TEX261: variants seen among roughly 807,000 people sequenced by gnomAD.
The protein encoded by TEX261 is protein TEX261.
A neutral mutation model predicts 25.1 loss-of-function variants in TEX261; 13 were observed. The ratio of observed to expected loss-of-function variants is 0.52; its 90% CI spans 0.34 to 0.82. The LOEUF (loss-of-function observed/expected upper bound fraction) is 0.82, where lower values mean the gene tolerates loss of function less well. TEX261 is among the 40% of genes least tolerant of loss of function. TEX261 has a pLI of 0.02. For missense variants in TEX261, 206 were observed against 243.2 expected (o/e 0.85, Z 1.02); for synonymous variants, 92 against 97.8 (o/e 0.94, Z 0.35).
At chr2:70,992,498 G>A (rs1446960929) in intron 2 of TEX261, among the ~76,000 whole-genome samples, 1 of 152,156 alleles carries the variant, frequency 6.6e-6, no homozygotes, top group South Asian at 2.1e-4. Context: ...GGGAGGCCAA[G>A]GCAGGCAGAT....
intron 1 of TEX261, 66 bp downstream of exon 1, chr2:70,994,622 T>A: frequency 6.5e-7 from 1 of 1,549,774 alleles, no homozygotes; most frequent in Non-Finnish European, 8.7e-7. Flanking sequence ...ACCCCCGCGA[T>A]GCGACCCCCA....
At position 70,989,105 on chromosome 2, in the gene TEX261, C is replaced by G. The variant is rs189818613; in HGVS notation, c.373-88G>C. ...TGACTGCGTGTTGGTCAAGAGTGCA[C>G]AGGGGGCCACACCTGATCTCCAAAG... On this transcript the variant is annotated intron_variant, in intron 4 of 5. Transcript: ENST00000272438. 4.7e-5 allele frequency: 52 copies of G among 1,117,956 alleles called. No individual in the cohort carries two copies. In the Middle Eastern group the frequency reaches 1.2e-3, roughly 26 times the overall value. The allele number at this position is 1,117,956 out of a possible 1,614,324, so 69.3% of individuals were successfully genotyped here. A position where few individuals can be genotyped will look rare whatever the true frequency, so the allele number is the denominator to read the frequency against.
rs782206337 is a variant in TEX261 at position 70,991,993 on chromosome 2, C to G, written c.151-10G>C. The G allele has an allele frequency of 6.3e-7, 1 of 1,585,566 alleles. No individual in the cohort carries two copies. The highest frequency in any genetic ancestry group is 1.7e-5 in the Admixed American group (1 of 57,514). On this transcript the variant is annotated splice_polypyrimidine_tract_variant and intron_variant, in intron 2 of 5. Coordinates refer to ENST00000272438, the MANE Select transcript of TEX261 (RefSeq NM_144582.3). ...GTACAGCGGTGGAGAACTGAAACAA[C>G]CAGAGGCAGACAGTGCAGGGCGCTT...
intron 2 of TEX261, among the ~76,000 whole-genome samples, chr2:70,993,492 T>C (rs1670344123): frequency 6.6e-6 from 1 of 152,132 alleles, no homozygotes. Flanking sequence ...AGTGAAACAA[T>C]GCCACTTGGG....
At chr2:70,992,959 A>G (rs1670331979) in intron 2 of TEX261, among the ~76,000 whole-genome samples, 1 of 152,256 alleles carries the variant, frequency 6.6e-6, no homozygotes, top group African/African-American at 2.4e-5. Flanking sequence ...GGCTGAATGA[A>G]GGGCTAATTA....
chr2:70,989,982 A>G (rs1253174576), intron 3 of TEX261, among the ~76,000 whole-genome samples, 166 bp from the exon 4 acceptor site: 1 of 152,218 alleles, frequency 6.6e-6, no homozygotes, highest in Non-Finnish European at 1.5e-5. Context: ...ATCTGCTAAA[A>G]TGGGAGAATG....
Position 70,988,707 on chromosome 2 carries a change from C to T in TEX261, c.484G>A (p.Val162Ile), listed in dbSNP as rs1413882792. Residue 162 changes from valine (V) to isoleucine (I), a missense_variant, in exon 6 of 6, where the codon GTC becomes ATC. By Grantham distance (29) the Val-to-Ile change is conservative. Coordinates refer to ENST00000272438, the MANE Select transcript of TEX261 (RefSeq NM_144582.3). ...TTGCCTTTGGTGAAATAATTGGAGACGACATCATCTGTGGAGATACAGGCA... is the reference window on the plus strand; with the variant it reads ...TTGCCTTTGGTGAAATAATTGGAGATGACATCATCTGTGGAGATACAGGCA... Reference protein sequence around the residue: ...PSTMQPGDDVVSNYFTKGKRG... With the variant: ...PSTMQPGDDVISNYFTKGKRG... 8.1e-6 allele frequency: 13 copies of T among 1,613,374 alleles called. No homozygotes were observed. Among genetic ancestry groups the T allele is most frequent in the South Asian group, 4.4e-5 (4 of 91,074 alleles).
intron 1 of TEX261, chr2:70,994,470 C>G (rs1572943640): frequency 8.2e-6 from 5 of 612,194 alleles, no homozygotes; most frequent in South Asian, 6.1e-5. Context: ...CGGGCAGTGC[C>G]GGAGCGGACT....
At position 70,989,754 on chromosome 2, in the gene TEX261, A is replaced by G; in HGVS notation, c.367T>C (p.Ser123Pro). 6.2e-7 allele frequency: 1 copy of G among 1,609,920 alleles called. No homozygotes were observed. Among genetic ancestry groups the G allele is most frequent in the Non-Finnish European group, 8.5e-7 (1 of 1,176,176 alleles). ...ATGTGCTGGACACTTCTTACCTCTG[A>G]GAAGGGATAATATTCTTCTGCAAAA... ...QFFAEEYYPF[S>P]EVLAYFTFCL... Residue 123 changes from serine (S) to proline (P), a missense_variant, in exon 4 of 6, where the codon TCA (serine) becomes CCA (proline). Transcript: ENST00000272438.
At position 70,994,766 on chromosome 2, in the gene TEX261, C is replaced by A. The variant is rs1449006708; in HGVS notation, c.-9G>T. 3.8e-6 allele frequency: 6 copies of A among 1,583,720 alleles called. No homozygotes were observed. Among genetic ancestry groups the A allele is most frequent in the Non-Finnish European group, 5.1e-6 (6 of 1,167,996 alleles). On this transcript the variant is annotated 5_prime_UTR_variant, in exon 1 of 6. Coordinates refer to ENST00000272438, the MANE Select transcript of TEX261 (RefSeq NM_144582.3). ...AGGTACATGAACCACATGGCGCCCCCACCCGCCCGCTCCCCGGCCACCGGG... is the reference window on the plus strand; with the variant it reads ...AGGTACATGAACCACATGGCGCCCCAACCCGCCCGCTCCCCGGCCACCGGG...
At position 70,988,400 on chromosome 2, in the gene TEX261, C is replaced by T. The variant is rs2104869420; in HGVS notation, c.*200G>A. ...GCTCTGCCACCCTCCTTGGTGCCCTCTGAGGTTACAGCCTCTTGAAGCATC... is the reference window on the plus strand; with the variant it reads ...GCTCTGCCACCCTCCTTGGTGCCCTTTGAGGTTACAGCCTCTTGAAGCATC... On this transcript the variant is annotated 3_prime_UTR_variant, in exon 6 of 6. Coordinates refer to ENST00000272438, the MANE Select transcript of TEX261 (RefSeq NM_144582.3). 1.7e-6 allele frequency: 1 copy of T among 571,576 alleles called. No homozygotes were observed. The highest frequency in any genetic ancestry group is 2.0e-5 in the South Asian group (1 of 49,310). The allele number at this position is 571,576 out of a possible 1,614,324, so 35.4% of individuals were successfully genotyped here.
intron 3 of TEX261, among the ~76,000 whole-genome samples, chr2:70,990,433 C>T (rs1433636011): frequency 2.6e-5 from 4 of 152,070 alleles, no homozygotes; most frequent in African/African-American, 4.8e-5. Flanking sequence ...GTTCTGGACA[C>T]ACACACACAC....
chr2:70,989,490 T>C, intron 4 of TEX261: 1 of 489,290 alleles, frequency 2.0e-6, no homozygotes, highest in Admixed American at 3.4e-5. Context: ...TACCCCTTCC[T>C]GACCTCAGGA....
chr2:70,994,614 C>T (rs963412764), intron 1 of TEX261, 74 bp downstream of exon 1: 45 of 1,545,008 alleles, frequency 2.9e-5, no homozygotes, highest in Non-Finnish European at 3.9e-5. Flanking sequence ...GCTCCGAAAC[C>T]CCCGCGATGC....
intron 2 of TEX261, among the ~76,000 whole-genome samples, chr2:70,992,729 C>CA (rs556141517): frequency 0.017 from 2,052 of 119,650 alleles, 20 homozygotes; most frequent in African/African-American, 0.037. Flanking sequence ...AACTCCATCT[C>CA]AAAAAAAAAA....
At chr2:70,989,887 C>CT in intron 3 of TEX261, 71 bp from the exon 4 acceptor site, 1 of 1,197,398 alleles carries the variant, frequency 8.4e-7, no homozygotes, top group Non-Finnish European at 1.2e-6. Context: ...CTTCAAAAGG[C>CT]CCTCAGAAGT....
intron 1 of TEX261, 72 bp from the exon 2 acceptor site, chr2:70,993,847 G>A: frequency 8.2e-7 from 1 of 1,213,312 alleles, no homozygotes; most frequent in Non-Finnish European, 1.2e-6. Context: ...TCTCTCTGCA[G>A]CCCAGTCCCC....
intron 1 of TEX261, 85 bp from the exon 2 acceptor site, chr2:70,993,860 C>T: frequency 9.3e-7 from 1 of 1,073,600 alleles, no homozygotes; most frequent in Non-Finnish European, 1.4e-6. Flanking sequence ...CAGTCCCCAT[C>T]CACCCTTCAT....
intron 4 of TEX261, 87 bp downstream of exon 4, chr2:70,989,662 C>T (rs1260258129): frequency 1.1e-6 from 1 of 935,826 alleles, no homozygotes; most frequent in South Asian, 1.4e-5. Context: ...AGTTTCAAAT[C>T]ATAGCTAAGT....
Sources: gnomAD v4.1 joint callset for allele counts (sites outside exome capture counted in the v4.1 genomes callset) on GRCh38, gnomAD v4.1.1 for gene constraint, MANE v1.5 for transcripts, NCBI Gene and HGNC (gene_info 2026-07-23, HGNC 2026-07-21) for gene names.